Variants in LRRC37A2 observed in about 807,000 individuals in gnomAD.
LRRC37A2 encodes leucine-rich repeat-containing protein 37A2.
A neutral mutation model predicts 68.8 loss-of-function variants in LRRC37A2; 9 were observed. That is an observed-to-expected ratio of 0.13 (90% confidence interval 0.08 to 0.23). The LOEUF is 0.23. LRRC37A2 is among the 10% of genes least tolerant of loss of function. LRRC37A2 has a pLI of 1.00. For synonymous variants in LRRC37A2, 63 were observed against 367.6 expected, an observed-to-expected ratio of 0.17 and a Z score of 9.48; for missense variants, 168 against 950.4, an observed-to-expected ratio of 0.18 and a Z score of 10.82.
chr17:46,525,591 AATAATAATAAT>A lies in LRRC37A2; in HGVS notation c.2906+1720_2906+1730del, dbSNP rs1174479613. Among the ~76,000 whole-genome samples the A allele has an allele frequency of 3.2e-3, 230 of 72,354 alleles. 1 individual carries two copies. The highest frequency in any genetic ancestry group is 7.2e-3 in the South Asian group (9 of 1,242). The allele number at this position is 72,354 out of a possible 152,430, so 47.5% of individuals were successfully genotyped here. A position where few individuals can be genotyped will look rare whatever the true frequency, so the allele number is the denominator to read the frequency against. On this transcript the variant is annotated intron_variant, in intron 6 of 14. Coordinates refer to ENST00000576629, the Ensembl canonical transcript of LRRC37A2. ...GACAGAGTGAGACTCTGTCTCAAATAATAATAATAATATAATAATAATAATCATCATCATCA... is the reference window on the plus strand; with the variant it reads ...GACAGAGTGAGACTCTGTCTCAAATAATAATAATAATAATCATCATCATCA...
At chr17:46,852,388 CAGTGTGTG>C in the LRRC37A2 span, among the ~76,000 whole-genome samples, 1 of 101,158 alleles carries the variant, frequency 9.9e-6, no homozygotes, top group Non-Finnish European at 2.0e-5. Flanking sequence ...TGAGAGGGCC[CAGTGTGTG>C]TGTGTGTGTG....
chr17:46,392,136 G>A, the LRRC37A2 span, among the ~76,000 whole-genome samples: 3 of 63,398 alleles, frequency 4.7e-5, no homozygotes, highest in Admixed American at 1.3e-4. Context: ...ATGTAAGTCC[G>A]TAAGATCATG....
chr17:46,754,718 A>C, the LRRC37A2 span, among the ~76,000 whole-genome samples: 1 of 152,228 alleles, frequency 6.6e-6, no homozygotes, highest in African/African-American at 2.4e-5. Context: ...CTCATGACAC[A>C]TTCGCAGTCA....
chr17:47,012,406 A>C, the LRRC37A2 span, among the ~76,000 whole-genome samples: 1 of 152,182 alleles, frequency 6.6e-6, no homozygotes, highest in African/African-American at 2.4e-5. Context: ...AAAATTAAAA[A>C]CTTTGGGGCT....
the LRRC37A2 span, among the ~76,000 whole-genome samples, chr17:46,501,845 A>T: frequency 6.6e-6 from 1 of 151,220 alleles, no homozygotes; most frequent in African/African-American, 2.5e-5. Flanking sequence ...ATTAACCTTG[A>T]TCAAATCTGA....
the LRRC37A2 span, among the ~76,000 whole-genome samples, chr17:46,980,650 G>A: frequency 9.1e-5 from 8 of 87,872 alleles, no homozygotes; most frequent in East Asian, 4.6e-4. Context: ...GTGAAACCCT[G>A]TCTCTACTAA....
At chr17:46,780,872 CAA>C in the LRRC37A2 span, among the ~76,000 whole-genome samples, 4 of 152,260 alleles carry the variant, frequency 2.6e-5, no homozygotes, top group East Asian at 7.7e-4. Context: ...AGAGACAACC[CAA>C]GAGTCCTCAG....
At chr17:46,392,212 TC>T in the LRRC37A2 span, among the ~76,000 whole-genome samples, 1 of 66,254 alleles carries the variant, frequency 1.5e-5, no homozygotes, top group African/African-American at 4.6e-5. Context: ...GTTTCTTTTT[TC>T]TTTTTTTTTT....
the LRRC37A2 span, among the ~76,000 whole-genome samples, chr17:46,737,224 G>C: frequency 6.6e-6 from 1 of 152,158 alleles, no homozygotes; most frequent in Non-Finnish European, 1.5e-5. Flanking sequence ...AGGTCAAGTA[G>C]CAAATGAAGG....
chr17:47,017,881 T>G, the LRRC37A2 span: 1 of 1,612,096 alleles, frequency 6.2e-7, no homozygotes, highest in Non-Finnish European at 8.5e-7. Flanking sequence ...CCAGAGACCC[T>G]TGAAGACATC....
the LRRC37A2 span, among the ~76,000 whole-genome samples, chr17:46,865,445 G>A: frequency 6.6e-6 from 1 of 152,150 alleles, no homozygotes; most frequent in Admixed American, 6.5e-5. Flanking sequence ...GTGGGCTCCA[G>A]CGGGGAAGTG....
the LRRC37A2 span, among the ~76,000 whole-genome samples, chr17:46,797,528 A>G: frequency 1.3e-5 from 2 of 152,206 alleles, no homozygotes; most frequent in Non-Finnish European, 2.9e-5. Flanking sequence ...GGGCCATGGG[A>G]AAAACAATCT....
chr17:46,681,521 G>A, the LRRC37A2 span, among the ~76,000 whole-genome samples: 1 of 149,856 alleles, frequency 6.7e-6, no homozygotes, highest in Non-Finnish European at 1.5e-5. Context: ...GATTTACATA[G>A]ATCGACATGA....
chr17:46,537,077 ATTTTTTTTT>A (rs766255014), intron 6 of LRRC37A2, among the ~76,000 whole-genome samples: 1,187 of 34,806 alleles, frequency 0.034, 23 homozygotes, highest in Middle Eastern at 0.071. Flanking sequence ...ATTGTGGTCA[ATTTTTTTTT>A]TTTTTTTTTT....
chr17:46,924,798 A>G, the LRRC37A2 span, among the ~76,000 whole-genome samples: 1 of 152,232 alleles, frequency 6.6e-6, no homozygotes, highest in Non-Finnish European at 1.5e-5. Context: ...ATGAAACGAA[A>G]TTATGTTCAT....
At chr17:46,823,318 G>A in the LRRC37A2 span, among the ~76,000 whole-genome samples, 3 of 149,178 alleles carry the variant, frequency 2.0e-5, no homozygotes, top group East Asian at 2.0e-4. Context: ...AGGTTCAAGC[G>A]ATTCTCCTGC....
At chr17:47,044,568 A>C in the LRRC37A2 span, among the ~76,000 whole-genome samples, 411 of 151,482 alleles carry the variant, frequency 2.7e-3, 2 homozygotes, top group African/African-American at 9.6e-3. Flanking sequence ...ATAGACATAC[A>C]CACACGGAAA....
chr17:46,894,652 G>A, the LRRC37A2 span, among the ~76,000 whole-genome samples: 1 of 152,180 alleles, frequency 6.6e-6, no homozygotes, highest in Non-Finnish European at 1.5e-5. Context: ...TAAGGCTGCC[G>A]CCTGCCACCA....
the LRRC37A2 span, chr17:46,713,883 C>T: frequency 6.2e-7 from 1 of 1,612,432 alleles, no homozygotes; most frequent in South Asian, 1.1e-5. Context: ...ACTGCTTTAG[C>T]TGCAAAAATT....
Sources: gnomAD v4.1 joint callset for allele counts (sites outside exome capture counted in the v4.1 genomes callset) on GRCh38, gnomAD v4.1.1 for gene constraint, MANE v1.5 for transcripts, NCBI Gene and HGNC (gene_info 2026-07-23, HGNC 2026-07-21) for gene names.